The following SLCO6A1 variants were observed in gnomAD, a reference collection of about 807,000 sequenced individuals.
SLCO6A1 encodes cancer/testis antigen 48.
Under a neutral mutation model 72.7 loss-of-function variants are expected in SLCO6A1, and 65 were observed. The ratio of observed to expected loss-of-function variants is 0.89; its 90% CI spans 0.73 to 1.10. The LOEUF is 1.10. SLCO6A1 is among the 50% of genes least tolerant of loss of function. The pLI, the probability that SLCO6A1 is intolerant of heterozygous loss-of-function variation, is 0.00. For synonymous variants in SLCO6A1, 314 were observed against 298.2 expected (o/e 1.05, Z -0.55); for missense variants, 874 against 872.6 (o/e 1.00, Z -0.02).
intron 7 of SLCO6A1, among the ~76,000 whole-genome samples, chr5:102,427,642 T>C (rs1162896436): frequency 1.3e-5 from 2 of 151,784 alleles, no homozygotes; most frequent in African/African-American, 4.8e-5. Context: ...TGTAGTATCT[T>C]GAATGAGATC....
At chr5:102,449,084 C>A (rs560477811) in intron 6 of SLCO6A1, among the ~76,000 whole-genome samples, 1 of 152,184 alleles carries the variant, frequency 6.6e-6, no homozygotes, top group South Asian at 2.1e-4. Flanking sequence ...TTAGCATTTG[C>A]TTGTCTAAAA....
chr5:102,458,239 C>G (rs1162355269), intron 6 of SLCO6A1, 143 bp downstream of exon 6: 1 of 580,222 alleles, frequency 1.7e-6, no homozygotes, highest in African/African-American at 1.9e-5. Context: ...TACCCTAAAA[C>G]TTAAAGTATA....
intron 10 of SLCO6A1, among the ~76,000 whole-genome samples, chr5:102,392,903 A>T (rs1379018203): frequency 6.6e-6 from 1 of 152,058 alleles, no homozygotes; most frequent in African/African-American, 2.4e-5. Flanking sequence ...TCTTGCACAA[A>T]ATTTATTCTT....
chr5:102,390,864 C>T, intron 11 of SLCO6A1, 117 bp downstream of exon 11: 3 of 818,150 alleles, frequency 3.7e-6, no homozygotes. Flanking sequence ...GCAGCTCCCC[C>T]TTTCACTCGC....
chr5:102,435,444 G>C (rs1186100521), intron 7 of SLCO6A1, among the ~76,000 whole-genome samples: 1 of 152,146 alleles, frequency 6.6e-6, no homozygotes, highest in African/African-American at 2.4e-5. Context: ...GTGCCTCCCT[G>C]TTTCCTCTCA....
intron 12 of SLCO6A1, among the ~76,000 whole-genome samples, chr5:102,385,500 C>A (rs1472018961): frequency 1.3e-5 from 2 of 151,936 alleles, no homozygotes; most frequent in Non-Finnish European, 2.9e-5. Context: ...GTTTTGTATT[C>A]TTTTTTATTT....
intron 1 of SLCO6A1, among the ~76,000 whole-genome samples, chr5:102,484,818 C>T (rs1482669972): frequency 2.0e-5 from 3 of 151,996 alleles, no homozygotes; most frequent in Non-Finnish European, 4.4e-5. Flanking sequence ...AGTTTCTTAG[C>T]CATACTATCC....
At chr5:102,463,353 A>C (rs531853714) in intron 4 of SLCO6A1, among the ~76,000 whole-genome samples, 1 of 152,332 alleles carries the variant, frequency 6.6e-6, no homozygotes, top group Non-Finnish European at 1.5e-5. Context: ...ACTATGGAAA[A>C]CAGTATGGAG....
intron 7 of SLCO6A1, among the ~76,000 whole-genome samples, chr5:102,420,294 C>T (rs1036750075): frequency 1.3e-5 from 2 of 152,134 alleles, no homozygotes; most frequent in Non-Finnish European, 2.9e-5. Context: ...CAAGGACAAA[C>T]CGGGAACTTA....
At chr5:102,395,248 T>A (rs567437817) in intron 10 of SLCO6A1, among the ~76,000 whole-genome samples, 1 of 151,854 alleles carries the variant, frequency 6.6e-6, no homozygotes, top group African/African-American at 2.4e-5. Context: ...TGTCCATGTG[T>A]TCTCATTGTT....
intron 8 of SLCO6A1, among the ~76,000 whole-genome samples, chr5:102,417,151 G>A (rs186445111): frequency 6.6e-6 from 1 of 152,128 alleles, no homozygotes. Flanking sequence ...TTGATCTGGT[G>A]TTATACTCCA....
chr5:102,394,320 T>G (rs1240810518), intron 10 of SLCO6A1, among the ~76,000 whole-genome samples: 2 of 152,198 alleles, frequency 1.3e-5, no homozygotes, highest in African/African-American at 4.8e-5. Flanking sequence ...ATTGAACTTT[T>G]AAAGATTAAA....
chr5:102,394,918 T>A (rs979803985), intron 10 of SLCO6A1, among the ~76,000 whole-genome samples: 1 of 152,200 alleles, frequency 6.6e-6, no homozygotes, highest in Non-Finnish European at 1.5e-5. Flanking sequence ...AGTCCATCAT[T>A]GCTGCACTTA....
chr5:102,429,014 C>T (rs1188664506), intron 7 of SLCO6A1, among the ~76,000 whole-genome samples: 3 of 151,944 alleles, frequency 2.0e-5, no homozygotes, highest in East Asian at 1.9e-4. Flanking sequence ...GATGGTATCT[C>T]GTGGTATTGA....
Position 102,442,505 on chromosome 5 carries a change from T to A in SLCO6A1, c.1132-3744A>T, listed in dbSNP as rs567973808. The stretch of plus-strand genomic sequence containing the variant: ...TCCAGTAAAAATAAACATTAATTTC[T>A]TAATTTATAAAATTAAAGGATTGCA... On this transcript the variant is annotated intron_variant, in intron 6 of 13. Transcript: ENST00000506729. 6.6e-5 allele frequency among the ~76,000 whole-genome samples: 10 copies of A among 152,350 alleles called. No homozygotes were observed. In the South Asian group the frequency reaches 1.9e-3, roughly 28 times the overall value.
rs1014849580 is a variant in SLCO6A1 at position 102,475,677 on chromosome 5, A to G, written c.899+20T>C. The G allele has an allele frequency of 9.0e-6, 14 of 1,560,824 alleles. No homozygotes were observed. The highest frequency in any genetic ancestry group is 1.2e-5 in the Non-Finnish European group (14 of 1,149,804). Reference sequence around the variant, plus strand: ...GTATTTTATACAATGTAAACAAAAAAAGAAAAAATAATGCCTTACTTTGTT... The same window carrying G: ...GTATTTTATACAATGTAAACAAAAAGAGAAAAAATAATGCCTTACTTTGTT... On this transcript the variant is annotated intron_variant, in intron 4 of 13. Transcript: ENST00000506729.
chr5:102,391,177 G>T, intron 10 of SLCO6A1, 132 bp from the exon 11 acceptor site: 1 of 811,702 alleles, frequency 1.2e-6, no homozygotes, highest in Non-Finnish European at 2.0e-6. Flanking sequence ...CCAATTGACA[G>T]AGTTTAAGCT....
At chr5:102,490,640 C>T (rs1468761461) in intron 1 of SLCO6A1, among the ~76,000 whole-genome samples, 2 of 152,040 alleles carry the variant, frequency 1.3e-5, no homozygotes, top group African/African-American at 4.8e-5. Flanking sequence ...GGGTGTGTTC[C>T]GAGTTTCTTC....
At chr5:102,477,887 T>C in intron 2 of SLCO6A1, 26 bp from the exon 3 acceptor site, 1 of 1,566,060 alleles carries the variant, frequency 6.4e-7, no homozygotes, top group Non-Finnish European at 8.7e-7. Context: ...TGATTATATT[T>C]TTGTTAATTG....
Sources: allele counts gnomAD v4.1 joint callset (sites outside exome capture counted in the v4.1 genomes callset), GRCh38; gene constraint gnomAD v4.1.1; transcripts MANE v1.5; gene names NCBI Gene and HGNC (gene_info 2026-07-23, HGNC 2026-07-21).